Variants in CCDC150 observed in about 807,000 individuals in gnomAD.
CCDC150 encodes coiled-coil domain containing 150.
A neutral mutation model predicts 156.5 loss-of-function variants in CCDC150; 151 were observed. That is an observed-to-expected ratio of 0.97 (90% confidence interval 0.85 to 1.10). CCDC150 has a LOEUF of 1.10. Ranked by LOEUF, CCDC150 falls within the 50% of genes least tolerant of loss-of-function variation. The pLI, the probability that CCDC150 is intolerant of heterozygous loss-of-function variation, is 0.00. For missense variants in CCDC150, 1,312 were observed against 1,268.1 expected, an observed-to-expected ratio of 1.03 and a Z score of -0.53; for synonymous variants, 452 against 429.4, an observed-to-expected ratio of 1.05 and a Z score of -0.65.
chr2:196,690,911 T>G (rs1300130851), intron 13 of CCDC150, among the ~76,000 whole-genome samples: 1 of 152,186 alleles, frequency 6.6e-6, no homozygotes, highest in African/African-American at 2.4e-5. Flanking sequence ...GTTTTTAACG[T>G]GAAGGGATGT....
intron 21 of CCDC150, 22 bp from the exon 22 acceptor site, chr2:196,725,950 AT>A (rs1244396384): frequency 6.4e-7 from 1 of 1,572,460 alleles, no homozygotes. Context: ...AAGGTGACTT[AT>A]CACCTCTCTT....
intron 2 of CCDC150, among the ~76,000 whole-genome samples, chr2:196,653,704 C>G (rs1371547971): frequency 6.6e-6 from 1 of 152,188 alleles, no homozygotes; most frequent in Non-Finnish European, 1.5e-5. Context: ...CCAAACTCTT[C>G]CAATCTCTGC....
At chr2:196,647,145 T>C (rs1247288041) in intron 2 of CCDC150, among the ~76,000 whole-genome samples, 1 of 152,076 alleles carries the variant, frequency 6.6e-6, no homozygotes, top group Non-Finnish European at 1.5e-5. Context: ...GTTGGTATAA[T>C]ACCCATGGAA....
intron 15 of CCDC150, among the ~76,000 whole-genome samples, chr2:196,710,726 AATACT>A (rs1296881286): frequency 6.6e-6 from 1 of 152,256 alleles, no homozygotes; most frequent in Non-Finnish European, 1.5e-5. Flanking sequence ...CTCATAAAAC[AATACT>A]ATATACTGTT....
intron 27 of CCDC150, 65 bp downstream of exon 27, chr2:196,732,217 C>G: frequency 6.4e-7 from 1 of 1,564,734 alleles, no homozygotes; most frequent in Admixed American, 1.7e-5. Flanking sequence ...TTCTAATTAC[C>G]GAAGTTCTCT....
rs551624133 is a variant in CCDC150, at chr2:196,678,381, G to C, written c.1509+1020G>C. Among the ~76,000 whole-genome samples the C allele has an allele frequency of 1.7e-4, 26 of 152,296 alleles. 1 individual carries two copies. The South Asian group carries it at 5.2e-3, about 30-fold the overall frequency. Reference sequence around the variant, plus strand: ...CTTTTAATTTAAGGATTGGAGAGAGGAGAAATGCTAGAGTTTGAGCCTGAG... The same window carrying C: ...CTTTTAATTTAAGGATTGGAGAGAGCAGAAATGCTAGAGTTTGAGCCTGAG... On this transcript the variant is annotated intron_variant, in intron 13 of 27. Coordinates refer to ENST00000389175, the MANE Select transcript of CCDC150 (RefSeq NM_001080539.2).
chr2:196,684,224 A>G (rs191062018), intron 13 of CCDC150, among the ~76,000 whole-genome samples: 39 of 152,264 alleles, frequency 2.6e-4, no homozygotes, highest in African/African-American at 8.2e-4. Flanking sequence ...CTTTAGCTGC[A>G]TATGAGATGT....
intron 15 of CCDC150, among the ~76,000 whole-genome samples, chr2:196,702,262 A>C (rs1459766107): frequency 6.6e-6 from 1 of 151,932 alleles, no homozygotes; most frequent in Non-Finnish European, 1.5e-5. Context: ...AAAAAAATGA[A>C]GGGGGAAAAT....
intron 14 of CCDC150, among the ~76,000 whole-genome samples, chr2:196,696,333 G>T (rs16856589): frequency 0.026 from 3,977 of 151,786 alleles, 181 homozygotes; most frequent in African/African-American, 0.09. Context: ...GGAATGACAA[G>T]ATCCATTAGC....
chr2:196,688,873 T>G (rs1485409245), intron 13 of CCDC150, among the ~76,000 whole-genome samples: 1 of 151,626 alleles, frequency 6.6e-6, no homozygotes, highest in Non-Finnish European at 1.5e-5. Context: ...TTTTTATGGT[T>G]TTAGGTCTAA....
intron 25 of CCDC150, among the ~76,000 whole-genome samples, 190 bp from the exon 26 acceptor site, chr2:196,730,669 C>T (rs1172117544): frequency 6.6e-6 from 1 of 152,184 alleles, no homozygotes; most frequent in Non-Finnish European, 1.5e-5. Context: ...ATCATATCCA[C>T]ATATGTAGAT....
At chr2:196,671,102 T>G (rs1417840173) in intron 8 of CCDC150, among the ~76,000 whole-genome samples, 4 of 152,192 alleles carry the variant, frequency 2.6e-5, no homozygotes, top group African/African-American at 9.6e-5. Context: ...ACTCTTGGTG[T>G]TGTGCATTCT....
chr2:196,682,755 C>T (rs1476715363), intron 13 of CCDC150, among the ~76,000 whole-genome samples: 1 of 152,024 alleles, frequency 6.6e-6, no homozygotes, highest in Admixed American at 6.6e-5. Context: ...TATCATTTCA[C>T]TTGAAGTTGC....
intron 14 of CCDC150, among the ~76,000 whole-genome samples, chr2:196,697,411 T>C (rs1013289117): frequency 3.3e-5 from 5 of 152,156 alleles, no homozygotes; most frequent in African/African-American, 1.2e-4. Flanking sequence ...GATCCAAATG[T>C]AGGAAGGTTA....
chr2:196,715,980 G>A (rs1413301885), intron 17 of CCDC150, among the ~76,000 whole-genome samples: 1 of 152,176 alleles, frequency 6.6e-6, no homozygotes. Context: ...CTTGTTTCCA[G>A]AAGGTACTAC....
intron 2 of CCDC150, among the ~76,000 whole-genome samples, chr2:196,655,261 G>A (rs138013059): frequency 6.6e-6 from 1 of 152,270 alleles, no homozygotes; most frequent in South Asian, 2.1e-4. Flanking sequence ...GAGTGGGCCC[G>A]TTTTATATCT....
intron 2 of CCDC150, among the ~76,000 whole-genome samples, chr2:196,651,684 C>T (rs1692882862): frequency 6.6e-6 from 1 of 152,072 alleles, no homozygotes; most frequent in Non-Finnish European, 1.5e-5. Context: ...GCTACTTTTC[C>T]CTTGATGCTT....
At chr2:196,676,416 T>C in intron 11 of CCDC150, 138 bp from the exon 12 acceptor site, 1 of 1,305,270 alleles carries the variant, frequency 7.7e-7, no homozygotes, top group East Asian at 2.3e-5. Context: ...GACTCTGCCC[T>C]CAAGAAACTA....
intron 20 of CCDC150, among the ~76,000 whole-genome samples, chr2:196,720,893 G>A (rs1697840508): frequency 6.6e-6 from 1 of 151,860 alleles, no homozygotes; most frequent in Admixed American, 6.6e-5. Flanking sequence ...TGTCTTATAT[G>A]GTCTTATATG....
Sources: gnomAD v4.1 joint callset for allele counts (sites outside exome capture counted in the v4.1 genomes callset) on GRCh38, gnomAD v4.1.1 for gene constraint, MANE v1.5 for transcripts, NCBI Gene and HGNC (gene_info 2026-07-23, HGNC 2026-07-21) for gene names.